Variants in EFHC1 observed in about 807,000 individuals in gnomAD.
EFHC1 encodes EF-hand domain containing 1.
A neutral mutation model predicts 69.9 loss-of-function variants in EFHC1; 53 were observed. That is an observed-to-expected ratio of 0.76 (90% confidence interval 0.61 to 0.95). The LOEUF (loss-of-function observed/expected upper bound fraction) is 0.95, where lower values mean the gene tolerates loss of function less well. EFHC1 is among the 40% of genes least tolerant of loss of function. EFHC1 has a pLI of 0.00. For synonymous variants in EFHC1, 256 were observed against 278.4 expected (o/e 0.92, Z 0.80); for missense variants, 739 against 798.7 (o/e 0.93, Z 0.90).
rs1376562507 is a variant in EFHC1 at position 52,494,253 on chromosome 6, G to C, written c.*1912G>C. The C allele has an allele frequency of 2.2e-6, 1 of 454,142 alleles. No homozygotes were observed. The highest frequency in any genetic ancestry group is 6.9e-5 in the East Asian group (1 of 14,400). 28.1% of individuals were successfully genotyped at this position (454,142 alleles called of 1,614,324 possible). On this transcript the variant is annotated 3_prime_UTR_variant, in exon 11 of 11. Coordinates refer to ENST00000371068, the MANE Select transcript of EFHC1 (RefSeq NM_018100.4). ...AAAGTTGGGGACTATCTGTATTTTAGAAGTTTTTTCAGCTTAAAAATTACC... is the reference window on the plus strand; with the variant it reads ...AAAGTTGGGGACTATCTGTATTTTACAAGTTTTTTCAGCTTAAAAATTACC...
Position 52,494,818 on chromosome 6 carries a change from C to G in EFHC1, c.*2477C>G. On this transcript the variant is annotated 3_prime_UTR_variant, in exon 11 of 11. Transcript: ENST00000371068. ...AATATTTGGTTTCCTATTCCTGCAT[C>G]AATTCACTTTAGGATAATGGCCTCC... The G allele has an allele frequency of 2.2e-6, 1 of 452,648 alleles. No individual in the cohort carries two copies. 28.0% of individuals were successfully genotyped at this position (452,648 alleles called of 1,614,324 possible). A position where few individuals can be genotyped will look rare whatever the true frequency, so the allele number is the denominator to read the frequency against.
At chr6:52,462,758 C>T (rs115837240) in intron 5 of EFHC1, among the ~76,000 whole-genome samples, 21,082 of 151,418 alleles carry the variant, frequency 0.14, 1,815 homozygotes, top group East Asian at 0.45. Context: ...CATGGTGGCA[C>T]GCACCTGTAG....
At position 52,423,966 on chromosome 6, in the gene EFHC1, T is replaced by A. The variant is rs796052415; in HGVS notation, c.84T>A (p.Ser28Arg). ...TTCAGAAAACAGCCTTCCACAGAAG[T>A]CAGACGCTGAGCTACAGGAACGGCT... is the stretch of plus-strand genomic sequence containing the variant. ...KDSTKTAFHRSQTLSYRNGYA... is the reference protein window; with the variant it reads ...KDSTKTAFHRRQTLSYRNGYA... The change falls in exon 2 of 11, where the codon AGT (serine) becomes AGA (arginine). Residue 28 changes from serine to arginine, a missense_variant. Ser to Arg is a moderately radical substitution (Grantham distance 110). Coordinates refer to ENST00000371068, the MANE Select transcript of EFHC1 (RefSeq NM_018100.4). 6.2e-7 allele frequency: 1 copy of A among 1,614,082 alleles called. No individual in the cohort carries two copies. The highest frequency in any genetic ancestry group is 1.1e-5 in the South Asian group (1 of 91,086).
rs1361112272 is a variant in EFHC1 at position 52,492,624 on chromosome 6, A to AT, written c.*290dup. On this transcript the variant is annotated 3_prime_UTR_variant, in exon 11 of 11. Transcript: ENST00000371068. Reference sequence around the variant, plus strand: ...CCTTTCTTTCTTTTTAAAAAAATAAATTTTTTTAGAGATGGGATCTCACTC... The same window carrying AT: ...CCTTTCTTTCTTTTTAAAAAAATAAATTTTTTTTAGAGATGGGATCTCACTC... 2 of 512,236 alleles carry AT rather than the reference A, an allele frequency of 3.9e-6. No individual in the cohort carries two copies. The highest frequency in any genetic ancestry group is 3.1e-5 in the South Asian group (2 of 64,222). 31.7% of individuals were successfully genotyped at this position (512,236 alleles called of 1,614,324 possible).
chr6:52,479,487 C>T (rs139002587), intron 8 of EFHC1, among the ~76,000 whole-genome samples, 153 bp from the exon 9 acceptor site: 5 of 152,264 alleles, frequency 3.3e-5, no homozygotes, highest in African/African-American at 7.2e-5. Flanking sequence ...ACTGAGCAAA[C>T]GACTGCATAT....
chr6:52,423,681 T>TTTC (rs1222097695), intron 1 of EFHC1: 2 of 433,874 alleles, frequency 4.6e-6, no homozygotes, highest in Non-Finnish European at 7.9e-6. Flanking sequence ...TTTTTTTTTT[T>TTTC]TTTAGTTTTT....
In EFHC1 at chr6:52,492,877, A is replaced by G. The variant is rs1202682882; in HGVS notation, c.*536A>G. On this transcript the variant is annotated 3_prime_UTR_variant, in exon 11 of 11. Coordinates refer to ENST00000371068, the MANE Select transcript of EFHC1 (RefSeq NM_018100.4). ...AGAAATTCTCCCACCTCAGCCTCCA[A>G]AAGTGCTGGGATTATAGGCATGAGC... The G allele has an allele frequency of 2.2e-6, 1 of 453,044 alleles. No individual in the cohort carries two copies. The highest frequency in any genetic ancestry group is 4.4e-6 in the Non-Finnish European group (1 of 226,372). The allele number at this position is 453,044 out of a possible 1,614,324, so 28.1% of individuals were successfully genotyped here. A position where few individuals can be genotyped will look rare whatever the true frequency, so the allele number is the denominator to read the frequency against.
intron 2 of EFHC1, chr6:52,437,639 C>T (rs1326985943): frequency 6.6e-6 from 1 of 152,342 alleles, no homozygotes; most frequent in African/African-American, 2.4e-5. Context: ...GGCTTGCATA[C>T]AGCGGTCTTC....
intron 6 of EFHC1, chr6:52,469,098 C>T (rs547724761): frequency 3.0e-5 from 16 of 531,740 alleles, no homozygotes; most frequent in Non-Finnish European, 5.3e-5. Context: ...TCTCTGTAGC[C>T]CTGAGAGTTA....
At chr6:52,433,400 A>G (rs1403189079) in intron 2 of EFHC1, among the ~76,000 whole-genome samples, 1 of 152,028 alleles carries the variant, frequency 6.6e-6, no homozygotes, top group Admixed American at 6.6e-5. Flanking sequence ...CCCTTTTCCT[A>G]TGGATGTGGC....
intron 2 of EFHC1, among the ~76,000 whole-genome samples, chr6:52,431,810 CT>C (rs1200917532): frequency 1.2e-4 from 19 of 152,056 alleles, no homozygotes; most frequent in African/African-American, 4.3e-4. Context: ...AAGTCCCCCC[CT>C]ATTATTATGT....
rs1035974882 is a variant in EFHC1, at chr6:52,453,906, T to C, written c.724-189T>C. On this transcript the variant is annotated intron_variant, in intron 4 of 10. Transcript: ENST00000371068. ...ATTTAATTCTTTCCAGCTGCTGACATATAGTACATAATTTCAGATGTTTTA... is the reference window on the plus strand; with the variant it reads ...ATTTAATTCTTTCCAGCTGCTGACACATAGTACATAATTTCAGATGTTTTA... 4.8e-6 allele frequency: 7 copies of C among 1,456,240 alleles called. No individual in the cohort carries two copies. The African/African-American group carries it at 9.8e-5, about 20-fold the overall frequency. 90.2% of individuals were successfully genotyped at this position (1,456,240 alleles called of 1,614,324 possible).
intron 2 of EFHC1, among the ~76,000 whole-genome samples, chr6:52,432,692 C>A (rs1295202425): frequency 6.6e-6 from 1 of 152,070 alleles, no homozygotes; most frequent in Non-Finnish European, 1.5e-5. Flanking sequence ...AGGTGATGAT[C>A]TTTTTGTAGT....
intron 7 of EFHC1, among the ~76,000 whole-genome samples, chr6:52,477,194 G>T (rs973185269): frequency 9.9e-5 from 15 of 151,956 alleles, no homozygotes; most frequent in Non-Finnish European, 2.2e-4. Context: ...GAGAGCAGAG[G>T]AGTGATATGA....
intron 2 of EFHC1, among the ~76,000 whole-genome samples, chr6:52,424,858 C>T (rs1298426978): frequency 6.6e-6 from 1 of 152,192 alleles, no homozygotes. Flanking sequence ...GTTATTCCAA[C>T]CCTCATCAGT....
At chr6:52,435,181 A>G (rs1581816693) in intron 2 of EFHC1, among the ~76,000 whole-genome samples, 1 of 152,160 alleles carries the variant, frequency 6.6e-6, no homozygotes, top group Non-Finnish European at 1.5e-5. Flanking sequence ...CCTATTTGCC[A>G]TCTCATCTTG....
chr6:52,438,565 G>A lies in EFHC1; in HGVS notation c.547G>A (p.Val183Ile), dbSNP rs769591944. Residue 183 changes from valine to isoleucine, a missense_variant, in exon 3 of 11, where the codon GTT (valine) becomes ATT (isoleucine). By Grantham distance (29) the Val-to-Ile change is conservative (BLOSUM62 3). Transcript: ENST00000371068. The stretch of plus-strand genomic sequence containing the variant: ...CACAATTTATGGCAAAACTTTCCGC[G>A]TTGTTGACTGTGACCAATTCACACA... ...NITIYGKTFR[V>I]VDCDQFTQVF... 6.8e-6 allele frequency: 11 copies of A among 1,613,854 alleles called. No individual in the cohort carries two copies. In the South Asian group the frequency reaches 7.7e-5, roughly 11 times the overall value.
chr6:52,465,232 C>A, intron 6 of EFHC1, 117 bp downstream of exon 6: 2 of 852,994 alleles, frequency 2.3e-6, no homozygotes, highest in Non-Finnish European at 3.6e-6. Context: ...ATATGTAACA[C>A]AGTAGTTCAC....
chr6:52,424,947 T>A (rs1764272607), intron 2 of EFHC1, among the ~76,000 whole-genome samples: 1 of 152,252 alleles, frequency 6.6e-6, no homozygotes, highest in Non-Finnish European at 1.5e-5. Context: ...TTTCTTAATT[T>A]ACTCTTAGTC....
Sources: allele counts gnomAD v4.1 joint callset (sites outside exome capture counted in the v4.1 genomes callset), GRCh38; gene constraint gnomAD v4.1.1; transcripts MANE v1.5; gene names NCBI Gene and HGNC (gene_info 2026-07-23, HGNC 2026-07-21).